Variants in DPP10 observed in about 807,000 individuals in gnomAD.
DPP10 encodes dipeptidyl peptidase like 10.
In DPP10, 33 loss-of-function variants were observed where a neutral mutation model predicts 120.9. The ratio of observed to expected loss-of-function variants is 0.27; its 90% CI spans 0.21 to 0.37. The LOEUF is 0.37. Among genes scored for constraint, DPP10 ranks in the 10% least tolerant of loss-of-function variants. The probability of loss-of-function intolerance (pLI) is 1.00; values close to 1 mark genes in which losing one functional copy is unlikely to be tolerated. For synonymous variants in DPP10, 337 were observed against 326.1 expected, an observed-to-expected ratio of 1.03 and a Z score of -0.36; for missense variants, 816 against 942.8, an observed-to-expected ratio of 0.87 and a Z score of 1.76.
At chr2:114,775,377 T>C (rs1408999892) in intron 1 of DPP10, among the ~76,000 whole-genome samples, 1 of 152,164 alleles carries the variant, frequency 6.6e-6, no homozygotes, top group Non-Finnish European at 1.5e-5. Flanking sequence ...TGAATTTCAC[T>C]GATTCTAAAA....
intron 1 of DPP10, among the ~76,000 whole-genome samples, chr2:114,744,867 T>C (rs1176891084): frequency 6.6e-6 from 1 of 152,166 alleles, no homozygotes; most frequent in Non-Finnish European, 1.5e-5. Context: ...GTTCAAGCGA[T>C]TCTCCTGCCT....
intron 1 of DPP10, among the ~76,000 whole-genome samples, chr2:114,732,754 C>T (rs537895003): frequency 1.3e-5 from 2 of 151,996 alleles, no homozygotes; most frequent in Non-Finnish European, 1.5e-5. Flanking sequence ...TAATAATGGC[C>T]GATAGTATAC....
chr2:115,169,446 C>CAT (rs139194459), intron 1 of DPP10, among the ~76,000 whole-genome samples: 10,561 of 151,798 alleles, frequency 0.07, 1,161 homozygotes, highest in African/African-American at 0.24. Context: ...TATACACACA[C>CAT]ATATATATAT....
At chr2:114,644,983 T>G (rs1415609966) in intron 1 of DPP10, among the ~76,000 whole-genome samples, 1 of 151,964 alleles carries the variant, frequency 6.6e-6, no homozygotes, top group Non-Finnish European at 1.5e-5. Context: ...CAAAGAAAAA[T>G]TAAGGCCTTT....
chr2:115,153,413 T>A (rs1404572543), intron 1 of DPP10, among the ~76,000 whole-genome samples: 1 of 152,210 alleles, frequency 6.6e-6, no homozygotes, highest in Admixed American at 6.5e-5. Context: ...ATGCATTGAC[T>A]ATTTGGGGGT....
chr2:115,197,252 C>T (rs542705538), intron 1 of DPP10, among the ~76,000 whole-genome samples: 50 of 151,994 alleles, frequency 3.3e-4, no homozygotes, highest in African/African-American at 1.0e-3. Flanking sequence ...ATTAGCCGGG[C>T]GTGGTGGTGC....
At chr2:114,568,071 T>C (rs562795135) in intron 1 of DPP10, among the ~76,000 whole-genome samples, 1 of 144,982 alleles carries the variant, frequency 6.9e-6, no homozygotes, top group South Asian at 2.2e-4. Flanking sequence ...AAAAAAAGTG[T>C]CCAAAATTGG....
chr2:114,773,637 C>T (rs1681468660), intron 1 of DPP10, among the ~76,000 whole-genome samples: 1 of 152,112 alleles, frequency 6.6e-6, no homozygotes, highest in Non-Finnish European at 1.5e-5. Flanking sequence ...TATATAAAAC[C>T]AAAGCAAGCA....
intron 5 of DPP10, among the ~76,000 whole-genome samples, chr2:115,601,816 G>A (rs1472830501): frequency 6.6e-6 from 1 of 151,226 alleles, no homozygotes; most frequent in African/African-American, 2.4e-5. Context: ...TGGTATTGCA[G>A]GTACGCACAA....
At chr2:115,827,770 A>G (rs1688526121) in intron 21 of DPP10, among the ~76,000 whole-genome samples, 1 of 151,052 alleles carries the variant, frequency 6.6e-6, no homozygotes, top group African/African-American at 2.4e-5. Flanking sequence ...TAATTTTTCT[A>G]TTATTAGTAG....
chr2:114,769,770 CACACACAT>C (rs1681084636), intron 1 of DPP10, among the ~76,000 whole-genome samples: 1 of 152,176 alleles, frequency 6.6e-6, no homozygotes, highest in African/African-American at 2.4e-5. Context: ...GCACACAACA[CACACACAT>C]ACACACATAC....
At chr2:115,567,986 G>A (rs1449944110) in intron 5 of DPP10, among the ~76,000 whole-genome samples, 1 of 151,556 alleles carries the variant, frequency 6.6e-6, no homozygotes, top group Admixed American at 6.6e-5. Flanking sequence ...GACAAGCCTG[G>A]CCAACATGGT....
At position 114,807,655 on chromosome 2, in the gene DPP10, C is replaced by T. The variant is rs535094339; in HGVS notation, c.60+364817C>T. On this transcript the variant is annotated intron_variant, in intron 1 of 25. Coordinates refer to ENST00000410059, the MANE Select transcript of DPP10 (RefSeq NM_020868.6). Reference sequence around the variant, plus strand: ...TGTATCTAACTTATTTTATGATATACGTATCTATGTTGCTGTGTGTTTCTG... The same window carrying T: ...TGTATCTAACTTATTTTATGATATATGTATCTATGTTGCTGTGTGTTTCTG... Among the ~76,000 whole-genome samples, 7 of 152,106 alleles carry T rather than the reference C, an allele frequency of 4.6e-5. No homozygotes were observed. The South Asian group carries it at 1.2e-3, about 27-fold the overall frequency.
intron 1 of DPP10, among the ~76,000 whole-genome samples, chr2:114,892,829 C>G (rs1480697120): frequency 1.3e-5 from 2 of 152,112 alleles, no homozygotes; most frequent in African/African-American, 4.8e-5. Context: ...TTTCCAAAAA[C>G]CCAGGACACA....
chr2:115,060,057 C>T (rs1427262598), intron 1 of DPP10, among the ~76,000 whole-genome samples: 2 of 152,056 alleles, frequency 1.3e-5, no homozygotes, highest in African/African-American at 4.8e-5. Context: ...AAAGCTCCCT[C>T]TCTCACTATT....
intron 1 of DPP10, among the ~76,000 whole-genome samples, chr2:115,297,819 A>G (rs1046452169): frequency 2.0e-5 from 3 of 152,052 alleles, no homozygotes; most frequent in Non-Finnish European, 4.4e-5. Context: ...AAGCTTAAAG[A>G]TGATGGTCTG....
At chr2:115,468,025 T>C in intron 3 of DPP10, 1 of 362,498 alleles carries the variant, frequency 2.8e-6, no homozygotes, top group South Asian at 2.2e-5. Flanking sequence ...GGTACTGGAT[T>C]CCCGCTGTAA....
intron 8 of DPP10, among the ~76,000 whole-genome samples, chr2:115,734,370 C>T (rs957651688): frequency 2.0e-5 from 3 of 151,874 alleles, no homozygotes; most frequent in Non-Finnish European, 4.4e-5. Flanking sequence ...TTAGAGTTTA[C>T]GGTGGGGCCG....
chr2:115,020,629 A>G (rs1244810918), intron 1 of DPP10, among the ~76,000 whole-genome samples: 3 of 152,112 alleles, frequency 2.0e-5, no homozygotes, highest in Non-Finnish European at 2.9e-5. Flanking sequence ...ACAAATGAAC[A>G]ATGGACTTAA....
Sources: gnomAD v4.1 joint callset for allele counts (sites outside exome capture counted in the v4.1 genomes callset) on GRCh38, gnomAD v4.1.1 for gene constraint, MANE v1.5 for transcripts, NCBI Gene and HGNC (gene_info 2026-07-23, HGNC 2026-07-21) for gene names.